Variants in ACTR3B observed in about 807,000 individuals in gnomAD.
ACTR3B encodes the protein actin related protein 3B.
Under a neutral mutation model 59.0 loss-of-function variants are expected in ACTR3B, and 8 were observed. That is an observed-to-expected ratio of 0.14 (90% confidence interval 0.08 to 0.24). The LOEUF is 0.24. Ranked by LOEUF, ACTR3B falls within the 10% of genes least tolerant of loss-of-function variation. The probability of loss-of-function intolerance (pLI) is 1.00; values close to 1 mark genes in which losing one functional copy is unlikely to be tolerated. For synonymous variants in ACTR3B, 148 were observed against 197.9 expected (o/e 0.75, Z 2.12); for missense variants, 245 against 552.3 (o/e 0.44, Z 5.58).
intron 6 of ACTR3B, 109 bp from the exon 7 acceptor site, chr7:152,820,190 G>A: frequency 6.5e-7 from 1 of 1,543,524 alleles, no homozygotes; most frequent in Non-Finnish European, 8.8e-7. Flanking sequence ...ATGCTTGTCA[G>A]TGCCATGAGG....
chr7:152,835,741 C>T (rs1164889394), intron 9 of ACTR3B, among the ~76,000 whole-genome samples: 1 of 152,160 alleles, frequency 6.6e-6, no homozygotes, highest in Non-Finnish European at 1.5e-5. Flanking sequence ...CGTCATTTTG[C>T]CCAGCCTTGC....
intron 9 of ACTR3B, among the ~76,000 whole-genome samples, chr7:152,836,719 C>T (rs1440984570): frequency 2.0e-5 from 3 of 152,236 alleles, no homozygotes; most frequent in East Asian, 3.9e-4. Context: ...GTGCTAGATT[C>T]GCTGATGAGA....
intron 9 of ACTR3B, among the ~76,000 whole-genome samples, chr7:152,834,140 G>A (rs1216834686): frequency 6.6e-6 from 1 of 150,936 alleles, no homozygotes; most frequent in African/African-American, 2.4e-5. Context: ...TTACTCCTTT[G>A]TAGTCGCTGT....
At position 152,827,336 on chromosome 7, in the gene ACTR3B, T is replaced by TA. The variant is rs373436786; in HGVS notation, c.951+2215dup. Reference sequence around the variant, plus strand: ...AGTGTTATGAGTGCCTTGCAAGTGATAGAGAATTCACGTAGGATTGAGAGG... The same window carrying TA: ...AGTGTTATGAGTGCCTTGCAAGTGATAAGAGAATTCACGTAGGATTGAGAGG... On this transcript the variant is annotated intron_variant, in intron 9 of 11. Transcript: ENST00000256001. 4.4e-4 allele frequency among the ~76,000 whole-genome samples: 67 copies of TA among 152,242 alleles called. No homozygotes were observed. The East Asian group carries it at 0.012, about 26-fold the overall frequency.
chr7:152,833,037 C>T (rs1797153387), intron 9 of ACTR3B, among the ~76,000 whole-genome samples: 1 of 152,092 alleles, frequency 6.6e-6, no homozygotes. Flanking sequence ...ACTCTAGAAG[C>T]CAGGGGGCCC....
intron 2 of ACTR3B, among the ~76,000 whole-genome samples, chr7:152,796,838 G>C (rs2098218013): frequency 7.5e-6 from 1 of 133,614 alleles, no homozygotes; most frequent in Non-Finnish European, 1.6e-5. Context: ...CCAAGTAGTT[G>C]GGACTCCCGG....
intron 4 of ACTR3B, among the ~76,000 whole-genome samples, chr7:152,809,389 C>T (rs1271893036): frequency 2.0e-5 from 3 of 152,204 alleles, no homozygotes; most frequent in Middle Eastern, 3.4e-3. Flanking sequence ...TGAAAAGGTG[C>T]TGGAAGATTT....
chr7:152,829,783 A>G (rs1203141765), intron 9 of ACTR3B, among the ~76,000 whole-genome samples: 1 of 151,908 alleles, frequency 6.6e-6, no homozygotes, highest in Non-Finnish European at 1.5e-5. Flanking sequence ...GCGCCAGCCC[A>G]CTCTTGGATC....
intron 4 of ACTR3B, among the ~76,000 whole-genome samples, chr7:152,809,688 A>G (rs534824457): frequency 6.6e-6 from 1 of 151,998 alleles, no homozygotes; most frequent in East Asian, 1.9e-4. Context: ...GACTACAGGT[A>G]TGTGCCACCA....
At chr7:152,791,256 C>T (rs1337081441) in intron 2 of ACTR3B, among the ~76,000 whole-genome samples, 1 of 152,204 alleles carries the variant, frequency 6.6e-6, no homozygotes, top group African/African-American at 2.4e-5. Context: ...AGCTGTCCAC[C>T]TGCCTCAGTC....
chr7:152,762,610 T>A (rs2098093206), intron 1 of ACTR3B, among the ~76,000 whole-genome samples: 2 of 152,156 alleles, frequency 1.3e-5, no homozygotes. Flanking sequence ...ATCATCAAAA[T>A]CAGAAAATTT....
chr7:152,851,347 G>A (rs767144212), intron 9 of ACTR3B, among the ~76,000 whole-genome samples: 1 of 152,178 alleles, frequency 6.6e-6, no homozygotes, highest in Non-Finnish European at 1.5e-5. Context: ...GTGAGAGGGC[G>A]AGAGGTGAGT....
rs901986235 is a variant in ACTR3B, at chr7:152,854,384, G to T, written c.1162-74G>T. On this transcript the variant is annotated intron_variant, in intron 11 of 11. Coordinates refer to ENST00000256001, the MANE Select transcript of ACTR3B (RefSeq NM_020445.6). This position sits in a 1 kb window ranked among gnomAD's most constrained non-coding sequence, Gnocchi z 4.9. ...GAGGCCGGGATGAGGAGAGTGTCTT[G>T]CCTGCTTGGTAGCTGGTTCCCTTGA... is the stretch of plus-strand genomic sequence containing the variant. The T allele has an allele frequency of 2.5e-5, 35 of 1,388,498 alleles. No individual in the cohort carries two copies. In the African/African-American group the frequency reaches 4.3e-4, roughly 17 times the overall value. 86.0% of individuals were successfully genotyped at this position (1,388,498 alleles called of 1,614,324 possible).
chr7:152,819,979 C>A (rs1590360306), intron 6 of ACTR3B, among the ~76,000 whole-genome samples: 1 of 152,190 alleles, frequency 6.6e-6, no homozygotes, highest in African/African-American at 2.4e-5. Flanking sequence ...GTTTAGTGTT[C>A]TTACAGACAG....
Position 152,820,409 on chromosome 7 carries a change from T to G in ACTR3B, c.651T>G (p.Pro217=). The G allele has an allele frequency of 6.2e-7, 1 of 1,605,196 alleles. No homozygotes were observed. The change falls in exon 7 of 12, where the codon CCT becomes CCG. Residue 217 remains proline (P), a synonymous_variant. Transcript: ENST00000256001. ...GGGAGAGGGAGGTGGGAATCCCTCC[T>G]GAGCAGTCACTGGAGACCGCAAAAG... The part of the protein sequence containing the change: ...LLREREVGIP[P]EQSLETAKAI...
intron 1 of ACTR3B, among the ~76,000 whole-genome samples, chr7:152,773,479 C>T (rs2098129074): frequency 6.6e-6 from 1 of 151,940 alleles, no homozygotes; most frequent in Non-Finnish European, 1.5e-5. Flanking sequence ...ACCAGCTACT[C>T]AGGAGGCTGA....
At chr7:152,820,248 C>G (rs560474157) in intron 6 of ACTR3B, 51 bp from the exon 7 acceptor site, 8 of 1,575,478 alleles carry the variant, frequency 5.1e-6, no homozygotes, top group South Asian at 3.6e-5. Context: ...CCAGGCTGCT[C>G]TCCACCACGA....
intron 2 of ACTR3B, among the ~76,000 whole-genome samples, chr7:152,796,860 G>GTTTTTTTTTT (rs779909545): frequency 9.1e-5 from 5 of 54,752 alleles, no homozygotes; most frequent in African/African-American, 3.5e-4. Context: ...TAGTTTTTGT[G>GTTTTTTTTTT]TTTTTTTTTT....
At chr7:152,809,944 A>T (rs972770893) in intron 4 of ACTR3B, among the ~76,000 whole-genome samples, 10 of 152,228 alleles carry the variant, frequency 6.6e-5, no homozygotes, top group Non-Finnish European at 4.4e-5. Flanking sequence ...TTGTAAAAAA[A>T]ACCCTAATAC....
Sources: allele counts gnomAD v4.1 joint callset (sites outside exome capture counted in the v4.1 genomes callset), GRCh38; gene constraint gnomAD v4.1.1; non-coding constraint Gnocchi (gnomAD v3.1); transcripts MANE v1.5; gene names NCBI Gene and HGNC (gene_info 2026-07-23, HGNC 2026-07-21).